Variants in TP53BP1 observed in about 807,000 individuals in gnomAD.
The protein encoded by TP53BP1 is TP53-binding protein 1.
In TP53BP1, 61 loss-of-function variants were observed where a neutral mutation model predicts 200.8. That is an observed-to-expected ratio of 0.30 (90% confidence interval 0.25 to 0.38). TP53BP1 has a LOEUF of 0.38. Ranked by LOEUF, TP53BP1 falls within the 10% of genes least tolerant of loss-of-function variation. TP53BP1 has a pLI of 1.00. For missense variants in TP53BP1, 2,144 were observed against 2,371.9 expected, an observed-to-expected ratio of 0.90 and a Z score of 2.00; for synonymous variants, 822 against 844.3, an observed-to-expected ratio of 0.97 and a Z score of 0.46.
intron 17 of TP53BP1, among the ~76,000 whole-genome samples, chr15:43,430,793 G>T (rs2045651246): frequency 6.6e-6 from 1 of 152,118 alleles, no homozygotes; most frequent in East Asian, 1.9e-4. Context: ...CTAATAATAA[G>T]ATAAACTATA....
chr15:43,467,500 C>A (rs955894931), intron 11 of TP53BP1, among the ~76,000 whole-genome samples: 1 of 149,516 alleles, frequency 6.7e-6, no homozygotes, highest in Non-Finnish European at 1.5e-5. Flanking sequence ...TTCAGAATCA[C>A]TCATTTGTCT....
At chr15:43,467,161 C>T (rs1028085194) in intron 11 of TP53BP1, among the ~76,000 whole-genome samples, 1 of 151,662 alleles carries the variant, frequency 6.6e-6, no homozygotes, top group African/African-American at 2.4e-5. Flanking sequence ...TCAAGCAATT[C>T]TCCAGGCAAT....
chr15:43,452,960 C>T (rs1312901595), intron 12 of TP53BP1, among the ~76,000 whole-genome samples: 2 of 151,854 alleles, frequency 1.3e-5, no homozygotes, highest in Non-Finnish European at 2.9e-5. Flanking sequence ...TTTGGGAGGC[C>T]GAGGCGGGCG....
intron 11 of TP53BP1, among the ~76,000 whole-genome samples, chr15:43,462,625 G>C (rs1204836887): frequency 1.3e-5 from 2 of 152,064 alleles, no homozygotes; most frequent in South Asian, 2.1e-4. Flanking sequence ...CACATCTTCT[G>C]CAAGACATAT....
intron 21 of TP53BP1, among the ~76,000 whole-genome samples, chr15:43,419,062 A>C (rs948473838): frequency 3.9e-5 from 6 of 152,174 alleles, no homozygotes; most frequent in Non-Finnish European, 8.8e-5. Context: ...CCCACTAAAA[A>C]TACAAAAATT....
chr15:43,407,793 T>TGACTC (rs1386675045), intron 27 of TP53BP1, 150 bp downstream of exon 27: 1 of 850,738 alleles, frequency 1.2e-6, no homozygotes, highest in African/African-American at 1.7e-5. Flanking sequence ...TCACTTATGT[T>TGACTC]GACTCACCTC....
chr15:43,485,312 G>A (rs972196035), intron 4 of TP53BP1, among the ~76,000 whole-genome samples: 4 of 151,996 alleles, frequency 2.6e-5, no homozygotes, highest in African/African-American at 9.7e-5. Context: ...GCACGGTGGC[G>A]CATGCCTGTA....
At chr15:43,411,134 A>AT (rs2045105124) in intron 24 of TP53BP1, among the ~76,000 whole-genome samples, 1 of 152,202 alleles carries the variant, frequency 6.6e-6, no homozygotes, top group South Asian at 2.1e-4. Flanking sequence ...GTCTACTTAG[A>AT]TTTTAATCCC....
intron 10 of TP53BP1, among the ~76,000 whole-genome samples, chr15:43,473,823 G>A (rs746383867): frequency 3.3e-5 from 5 of 152,218 alleles, no homozygotes; most frequent in East Asian, 1.9e-4. Flanking sequence ...AGTGGATCTC[G>A]CACGGGGGCT....
intron 8 of TP53BP1, among the ~76,000 whole-genome samples, chr15:43,476,905 TTAAC>T (rs2078890994): frequency 1.3e-5 from 2 of 152,246 alleles, no homozygotes; most frequent in Admixed American, 6.5e-5. Flanking sequence ...CTGTGTCAGA[TTAAC>T]TAATAAACAG....
intron 12 of TP53BP1, among the ~76,000 whole-genome samples, chr15:43,453,315 T>C (rs182072959): frequency 3.3e-4 from 50 of 149,426 alleles, no homozygotes; most frequent in Admixed American, 3.2e-3. Context: ...ATTAGAAAAA[T>C]ACTCTACTAC....
Position 43,421,843 on chromosome 15 carries a change from C to A in TP53BP1, c.4100+12G>T, listed in dbSNP as rs150981752. ...TGCTGTGGCTCTCTCTCTCTGGAGA[C>A]CCTGTCTGCACCTCAGTTTTCCTGG... On this transcript the variant is annotated intron_variant, in intron 19 of 27. Coordinates refer to ENST00000382044, the MANE Select transcript of TP53BP1 (RefSeq NM_001141980.3). The A allele has an allele frequency of 6.8e-4, 1,093 of 1,613,956 alleles. 4 individuals are homozygous for A. The African/African-American group carries it at 0.013, about 19-fold the overall frequency.
At chr15:43,462,107 G>A (rs1346546325) in intron 11 of TP53BP1, among the ~76,000 whole-genome samples, 1 of 149,676 alleles carries the variant, frequency 6.7e-6, no homozygotes, top group East Asian at 2.0e-4. Context: ...TGAGGCAGGT[G>A]GATCACCTGA....
In TP53BP1 at chr15:43,418,092, A is replaced by G. The variant is rs572564465; in HGVS notation, c.4682-1676T>C. 9.2e-5 allele frequency among the ~76,000 whole-genome samples: 14 copies of G among 151,870 alleles called. No homozygotes were observed. In the East Asian group the frequency reaches 2.7e-3, roughly 29 times the overall value. ...CTACTTGGGAGGCTGAGGCAAGAGA[A>G]TCACTTGAACACCAGAGGCGGAGGT... On this transcript the variant is annotated intron_variant, in intron 21 of 27. Transcript: ENST00000382044.
chr15:43,494,496 T>C (rs536859871), upstream of TP53BP1, among the ~76,000 whole-genome samples: 6 of 152,216 alleles, frequency 3.9e-5, no homozygotes, highest in Non-Finnish European at 7.3e-5. Flanking sequence ...ATAACTGGAA[T>C]ATAATTATGG....
chr15:43,454,081 T>G (rs2143008886), intron 12 of TP53BP1, among the ~76,000 whole-genome samples: 1 of 151,702 alleles, frequency 6.6e-6, no homozygotes, highest in East Asian at 2.0e-4. Flanking sequence ...GGCATGCACC[T>G]GTAGTCCCAG....
intron 24 of TP53BP1, among the ~76,000 whole-genome samples, chr15:43,410,780 C>T (rs2045092122): frequency 6.6e-6 from 1 of 152,184 alleles, no homozygotes. Context: ...CCCTCGTTGT[C>T]TGCTGGAGGA....
chr15:43,479,594 TG>T lies in TP53BP1; in HGVS notation c.659-69del. 2.0e-6 allele frequency: 3 copies of T among 1,509,312 alleles called. No individual in the cohort carries two copies. The South Asian group carries it at 3.9e-5, about 20-fold the overall frequency. 93.5% of individuals were successfully genotyped at this position (1,509,312 alleles called of 1,614,324 possible). On this transcript the variant is annotated intron_variant, in intron 6 of 27. Coordinates refer to ENST00000382044, the MANE Select transcript of TP53BP1 (RefSeq NM_001141980.3). ...TCAAAATACTAGATACAGTCCCAGA[TG>T]TTTTTTAAAAAGCAAAGATTTTAAC...
chr15:43,413,934 T>C (rs1175750929), intron 23 of TP53BP1: 3 of 355,396 alleles, frequency 8.4e-6, no homozygotes, highest in African/African-American at 2.2e-5. Flanking sequence ...CACATCAAAA[T>C]AGCCTGCCTC....
Sources: gnomAD v4.1 joint callset for allele counts (sites outside exome capture counted in the v4.1 genomes callset) on GRCh38, gnomAD v4.1.1 for gene constraint, MANE v1.5 for transcripts, NCBI Gene and HGNC (gene_info 2026-07-23, HGNC 2026-07-21) for gene names.